The following ZNF423 variants were observed in gnomAD, a reference collection of about 807,000 sequenced individuals.
The protein encoded by ZNF423 is Ebf-associated zinc finger protein.
Under a neutral mutation model 95.8 loss-of-function variants are expected in ZNF423, and 12 were observed. The ratio of observed to expected loss-of-function variants is 0.13; its 90% CI spans 0.08 to 0.20. The LOEUF is 0.20. ZNF423 is among the 10% of genes least tolerant of loss of function. ZNF423 has a pLI of 1.00. For synonymous variants in ZNF423, 749 were observed against 711.9 expected, an observed-to-expected ratio of 1.05 and a Z score of -0.83; for missense variants, 1,316 against 1,737.1, an observed-to-expected ratio of 0.76 and a Z score of 4.31.
intron 3 of ZNF423, among the ~76,000 whole-genome samples, chr16:49,707,166 G>A (rs1202537415): frequency 6.6e-6 from 1 of 152,072 alleles, no homozygotes; most frequent in African/African-American, 2.4e-5. Flanking sequence ...CGGGGTCCCT[G>A]CCGGTACCCC....
At chr16:49,856,332 A>G (rs2035369505), upstream of ZNF423, among the ~76,000 whole-genome samples, 1 of 146,842 alleles carries the variant, frequency 6.8e-6, no homozygotes, top group Non-Finnish European at 1.5e-5. Flanking sequence ...CAATGAACCC[A>G]TCTGAGGAGG....
chr16:49,752,560 G>A (rs1379159353), intron 2 of ZNF423, among the ~76,000 whole-genome samples: 3 of 152,204 alleles, frequency 2.0e-5, no homozygotes, highest in Admixed American at 6.5e-5. Context: ...GGGACCACAG[G>A]AGGGTGGCCC....
intron 2 of ZNF423, among the ~76,000 whole-genome samples, chr16:49,740,831 C>T (rs1268037439): frequency 3.9e-5 from 6 of 152,190 alleles, no homozygotes; most frequent in Non-Finnish European, 8.8e-5. Flanking sequence ...TTCCAGAGAA[C>T]GTATCTTCAG....
intron 2 of ZNF423, among the ~76,000 whole-genome samples, chr16:49,733,131 C>T (rs1046082685): frequency 2.6e-5 from 4 of 151,946 alleles, no homozygotes; most frequent in African/African-American, 4.8e-5. Flanking sequence ...TTGGAGCCTT[C>T]GATATTGTAA....
At chr16:49,595,480 G>A (rs1001213900) in intron 5 of ZNF423, among the ~76,000 whole-genome samples, 1 of 152,226 alleles carries the variant, frequency 6.6e-6, no homozygotes, top group Non-Finnish European at 1.5e-5. Flanking sequence ...TTAATAGGGA[G>A]AGATCTGCAA....
chr16:49,598,453 T>G (rs1971251751), intron 5 of ZNF423, among the ~76,000 whole-genome samples: 1 of 152,252 alleles, frequency 6.6e-6, no homozygotes, highest in Non-Finnish European at 1.5e-5. Flanking sequence ...TGGAGCATCA[T>G]TCCTGGGGGC....
chr16:49,797,208 C>G (rs2034512416), intron 1 of ZNF423, among the ~76,000 whole-genome samples: 1 of 152,138 alleles, frequency 6.6e-6, no homozygotes, highest in Admixed American at 6.5e-5. Context: ...TGACTTACTA[C>G]TGAGCAACCT....
chr16:49,714,148 C>T (rs942993157), intron 3 of ZNF423, among the ~76,000 whole-genome samples: 5 of 152,212 alleles, frequency 3.3e-5, no homozygotes, highest in African/African-American at 9.7e-5. Flanking sequence ...GCCCTGCAGA[C>T]GGCTCATTCT....
intron 5 of ZNF423, among the ~76,000 whole-genome samples, chr16:49,535,627 G>A (rs1969033356): frequency 6.6e-6 from 1 of 152,136 alleles, no homozygotes; most frequent in African/African-American, 2.4e-5. Context: ...AACTCTTGGA[G>A]TTCTATACAA....
Position 49,603,183 on chromosome 16 carries a change from C to T in ZNF423, c.3601+22987G>A, listed in dbSNP as rs1971430603. ...TATCTGGGGCCTGCTGCAGTGATCTCTGGCAGGGCCGCCAGGGACCACAAT... is the reference window on the plus strand; with the variant it reads ...TATCTGGGGCCTGCTGCAGTGATCTTTGGCAGGGCCGCCAGGGACCACAAT... On this transcript the variant is annotated intron_variant, in intron 5 of 7. Transcript: ENST00000563137. This position sits in a 1 kb window ranked among gnomAD's most constrained non-coding sequence, Gnocchi z 4.1. Among the ~76,000 whole-genome samples the T allele has an allele frequency of 6.6e-6, 1 of 152,208 alleles. No homozygotes were observed. The highest frequency in any genetic ancestry group is 2.4e-5 in the African/African-American group (1 of 41,456).
intron 7 of ZNF423, among the ~76,000 whole-genome samples, chr16:49,507,473 T>C (rs1346641991): frequency 7.4e-6 from 1 of 135,612 alleles, no homozygotes; most frequent in South Asian, 2.2e-4. Flanking sequence ...GAGGCAAAGA[T>C]GAGGAAACAA....
intron 1 of ZNF423, among the ~76,000 whole-genome samples, chr16:49,840,072 G>A (rs1175182273): frequency 2.0e-5 from 3 of 152,150 alleles, no homozygotes; most frequent in African/African-American, 4.8e-5. Flanking sequence ...AAACATGTGC[G>A]AGGAATGAAT....
Position 49,490,948 on chromosome 16 carries a change from A to G in ZNF423, c.*327T>C. ...AAAATCACACTAATTCTTTTTTAAA[A>G]ACTATCAATATAATACATGAAGGAA... On this transcript the variant is annotated 3_prime_UTR_variant, in exon 8 of 8. Transcript: ENST00000563137. 1 of 282,780 alleles carries G rather than the reference A, an allele frequency of 3.5e-6. No homozygotes were observed. The highest frequency in any genetic ancestry group is 6.6e-6 in the Non-Finnish European group (1 of 152,454). 17.5% of individuals were successfully genotyped at this position (282,780 alleles called of 1,614,324 possible). A position where few individuals can be genotyped will look rare whatever the true frequency, so the allele number is the denominator to read the frequency against.
intron 5 of ZNF423, among the ~76,000 whole-genome samples, chr16:49,602,572 C>T (rs1301927833): frequency 1.3e-5 from 2 of 152,124 alleles, no homozygotes; most frequent in Non-Finnish European, 1.5e-5. Flanking sequence ...GTGTAAAACC[C>T]GGCAGCCCCA....
intron 4 of ZNF423, among the ~76,000 whole-genome samples, chr16:49,631,685 A>C (rs1244279835): frequency 1.3e-5 from 2 of 152,186 alleles, no homozygotes; most frequent in Non-Finnish European, 2.9e-5. Flanking sequence ...CAGGGAAGAA[A>C]TGGCCAGGCC....
chr16:49,821,985 C>T (rs748330314), intron 1 of ZNF423, among the ~76,000 whole-genome samples: 1 of 152,170 alleles, frequency 6.6e-6, no homozygotes, highest in Non-Finnish European at 1.5e-5. Context: ...GGTTCAATCA[C>T]TTCCACATCC....
chr16:49,619,098 A>C (rs1005055866), intron 5 of ZNF423, among the ~76,000 whole-genome samples: 1 of 151,844 alleles, frequency 6.6e-6, no homozygotes, highest in Non-Finnish European at 1.5e-5. Context: ...CTCCCACCTT[A>C]CTTCTTATAC....
intron 5 of ZNF423, among the ~76,000 whole-genome samples, chr16:49,623,073 G>A (rs975548919): frequency 1.3e-5 from 2 of 152,136 alleles, no homozygotes; most frequent in African/African-American, 4.8e-5. Flanking sequence ...GCAGGTTAGA[G>A]CGAGAGGGAC....
chr16:49,708,909 A>G (rs2032449163), intron 3 of ZNF423, among the ~76,000 whole-genome samples: 1 of 152,128 alleles, frequency 6.6e-6, no homozygotes, highest in South Asian at 2.1e-4. Flanking sequence ...TGAACTAATA[A>G]CCCCATGAAT....
Sources: gnomAD v4.1 joint callset for allele counts (sites outside exome capture counted in the v4.1 genomes callset) on GRCh38, gnomAD v4.1.1 for gene constraint, Gnocchi (gnomAD v3.1) non-coding constraint, MANE v1.5 for transcripts, NCBI Gene and HGNC (gene_info 2026-07-23, HGNC 2026-07-21) for gene names.